Variants in SLC14A2 observed in about 807,000 individuals in gnomAD.
SLC14A2 encodes solute carrier family 14 member 2.
Under a neutral mutation model 104.6 loss-of-function variants are expected in SLC14A2, and 91 were observed. The ratio of observed to expected loss-of-function variants is 0.87; its 90% CI spans 0.73 to 1.04. The LOEUF is 1.04. Ranked by LOEUF, SLC14A2 falls within the 50% of genes least tolerant of loss-of-function variation. SLC14A2 has a pLI of 0.00. For missense variants in SLC14A2, 1,189 were observed against 1,156.0 expected (o/e 1.03, Z -0.41); for synonymous variants, 476 against 466.4 (o/e 1.02, Z -0.27).
intron 2 of SLC14A2, among the ~76,000 whole-genome samples, chr18:45,512,013 C>T (rs111780810): frequency 6.6e-5 from 10 of 152,276 alleles, no homozygotes; most frequent in African/African-American, 1.7e-4. Flanking sequence ...GGGCTCTCAG[C>T]TCTCAGGGAA....
chr18:45,423,480 C>G (rs565807934), intron 1 of SLC14A2, among the ~76,000 whole-genome samples: 1 of 152,112 alleles, frequency 6.6e-6, no homozygotes, highest in African/African-American at 2.4e-5. Flanking sequence ...TTAATGACAA[C>G]ATGCACAAAC....
At chr18:45,514,274 C>T (rs1002490637) in intron 2 of SLC14A2, among the ~76,000 whole-genome samples, 15 of 152,112 alleles carry the variant, frequency 9.9e-5, no homozygotes, top group Non-Finnish European at 2.1e-4. Context: ...GAGAAGCAGG[C>T]ACATCTTCAC....
intron 1 of SLC14A2, among the ~76,000 whole-genome samples, chr18:45,419,520 T>C (rs1187808256): frequency 1.3e-5 from 2 of 152,210 alleles, no homozygotes; most frequent in African/African-American, 4.8e-5. Flanking sequence ...ATGCCTATAA[T>C]CCCAGCACTT....
At chr18:45,553,839 C>T (rs750762729) in intron 2 of SLC14A2, among the ~76,000 whole-genome samples, 2 of 152,072 alleles carry the variant, frequency 1.3e-5, no homozygotes, top group African/African-American at 2.4e-5. Context: ...AGCTTTCTTT[C>T]CCTCCTAAAG....
intron 18 of SLC14A2, among the ~76,000 whole-genome samples, chr18:45,675,329 C>A (rs547464985): frequency 6.6e-6 from 1 of 152,274 alleles, no homozygotes; most frequent in African/African-American, 2.4e-5. Flanking sequence ...AAAACTCCAG[C>A]TTTATTTTGT....
At chr18:45,451,604 A>T (rs1248771711) in intron 1 of SLC14A2, among the ~76,000 whole-genome samples, 1 of 152,182 alleles carries the variant, frequency 6.6e-6, no homozygotes, top group African/African-American at 2.4e-5. Flanking sequence ...ATAAATAAAA[A>T]ATAATTAAAT....
At chr18:45,224,114 T>G (rs965533080) in intron 1 of SLC14A2, among the ~76,000 whole-genome samples, 1 of 152,186 alleles carries the variant, frequency 6.6e-6, no homozygotes, top group Non-Finnish European at 1.5e-5. Context: ...GTAAAGAGAC[T>G]CTTTGAACAA....
At position 45,538,850 on chromosome 18, in the gene SLC14A2, CTTTTTT is replaced by C. The variant is rs61475766; in HGVS notation, c.-35+55544_-35+55549del. ...GACCAAAGGTCCTTCTCCCCCTTCC[CTTTTTT>C]TTTTTTTTTTTTTTTGCTTGCTTTC... is the stretch of plus-strand genomic sequence containing the variant. On this transcript the variant is annotated intron_variant, in intron 2 of 20. Transcript: ENST00000586448. Among the ~76,000 whole-genome samples, 4 of 105,272 alleles carry C rather than the reference CTTTTTT, an allele frequency of 3.8e-5. No individual in the cohort carries two copies. In the South Asian group the frequency reaches 1.0e-3, roughly 27 times the overall value. The allele number at this position is 105,272 out of a possible 152,430, so 69.1% of individuals were successfully genotyped here.
At chr18:45,217,460 G>A (rs1471734710) in intron 1 of SLC14A2, among the ~76,000 whole-genome samples, 1 of 151,970 alleles carries the variant, frequency 6.6e-6, no homozygotes, top group African/African-American at 2.4e-5. Flanking sequence ...AGAACAGTGA[G>A]GAATGGCTTT....
rs2084039399 is a variant in SLC14A2 at position 45,219,258 on chromosome 18, A to C, written c.-125+6067A>C. Among the ~76,000 whole-genome samples the C allele has an allele frequency of 3.9e-5, 6 of 152,326 alleles. No individual in the cohort carries two copies. The South Asian group carries it at 1.2e-3, about 32-fold the overall frequency. Reference sequence around the variant, plus strand: ...CTGCATAAATAACATGGAAAAATCAATGTAGTAAACCCTTTTAATACTCTT... The same window carrying C: ...CTGCATAAATAACATGGAAAAATCACTGTAGTAAACCCTTTTAATACTCTT... On this transcript the variant is annotated intron_variant, in intron 1 of 20. Coordinates refer to the SLC14A2 transcript ENST00000586448.
chr18:45,236,173 A>G (rs1446624756), intron 1 of SLC14A2, among the ~76,000 whole-genome samples: 2 of 61,802 alleles, frequency 3.2e-5, no homozygotes. Flanking sequence ...ATGTGTATAT[A>G]TACATATATG....
chr18:45,277,659 T>C (rs1388236319), intron 1 of SLC14A2, among the ~76,000 whole-genome samples: 5 of 152,220 alleles, frequency 3.3e-5, no homozygotes, highest in Admixed American at 2.6e-4. Flanking sequence ...TCCACCCACC[T>C]TGGCCTCCCA....
chr18:45,576,833 G>A (rs1010398264), intron 2 of SLC14A2, among the ~76,000 whole-genome samples: 1 of 152,186 alleles, frequency 6.6e-6, no homozygotes, highest in African/African-American at 2.4e-5. Flanking sequence ...GGCATGGCAC[G>A]CCGAGGGGAG....
intron 1 of SLC14A2, among the ~76,000 whole-genome samples, chr18:45,330,851 C>T (rs2085283080): frequency 6.6e-6 from 1 of 152,242 alleles, no homozygotes; most frequent in Non-Finnish European, 1.5e-5. Flanking sequence ...ACTGAGTCTA[C>T]AATTCCTGAG....
intron 1 of SLC14A2, among the ~76,000 whole-genome samples, chr18:45,262,052 C>T (rs1330954762): frequency 1.3e-5 from 2 of 152,198 alleles, no homozygotes; most frequent in African/African-American, 4.8e-5. Context: ...TATTTCTCCA[C>T]ATCCTCTCCA....
chr18:45,332,611 A>G (rs2085301351), intron 1 of SLC14A2, among the ~76,000 whole-genome samples: 1 of 152,222 alleles, frequency 6.6e-6, no homozygotes, highest in Non-Finnish European at 1.5e-5. Context: ...AAATAGTAGA[A>G]GAGAGGAAAT....
chr18:45,611,580 A>G (rs1358398226), upstream of SLC14A2, among the ~76,000 whole-genome samples: 1 of 152,220 alleles, frequency 6.6e-6, no homozygotes, highest in Non-Finnish European at 1.5e-5. Flanking sequence ...GAATCCAAAG[A>G]CAAAAAGCTT....
intron 2 of SLC14A2, among the ~76,000 whole-genome samples, chr18:45,536,109 C>A (rs2043777542): frequency 6.6e-6 from 1 of 152,132 alleles, no homozygotes; most frequent in Non-Finnish European, 1.5e-5. Context: ...TCCAGGAGGG[C>A]TTCTTGGAGG....
chr18:45,418,793 G>T (rs1266853096), intron 1 of SLC14A2, among the ~76,000 whole-genome samples: 1 of 152,100 alleles, frequency 6.6e-6, no homozygotes, highest in Non-Finnish European at 1.5e-5. Context: ...TGAGGAGGTG[G>T]ATTTACCTCT....
Sources: gnomAD v4.1 joint callset for allele counts (sites outside exome capture counted in the v4.1 genomes callset) on GRCh38, gnomAD v4.1.1 for gene constraint, MANE v1.5 for transcripts, NCBI Gene and HGNC (gene_info 2026-07-23, HGNC 2026-07-21) for gene names.